The following SYNJ1 variants were observed in gnomAD, a reference collection of about 807,000 sequenced individuals.
SYNJ1 encodes synaptojanin 1.
Under a neutral mutation model 168.2 loss-of-function variants are expected in SYNJ1, and 78 were observed. The ratio of observed to expected loss-of-function variants is 0.46; its 90% CI spans 0.39 to 0.56. SYNJ1 has a LOEUF of 0.56. Among genes scored for constraint, SYNJ1 ranks in the 20% least tolerant of loss-of-function variants. The probability of loss-of-function intolerance (pLI) is 0.00; values close to 1 mark genes in which losing one functional copy is unlikely to be tolerated. For synonymous variants in SYNJ1, 539 were observed against 548.6 expected (o/e 0.98, Z 0.24); for missense variants, 1,303 against 1,597.6 (o/e 0.82, Z 3.14).
In SYNJ1 at chr21:32,669,763, G is replaced by A. The variant is rs550335195; in HGVS notation, c.1811+525C>T. On this transcript the variant is annotated intron_variant, in intron 15 of 32. Coordinates refer to ENST00000674351, the MANE Select transcript of SYNJ1 (RefSeq NM_203446.3). Reference sequence around the variant, plus strand: ...TATCAGAGAAGAAATTATCTAGAAAGGTTATTAAAATATTTCCTTTTCAAA... The same window carrying A: ...TATCAGAGAAGAAATTATCTAGAAAAGTTATTAAAATATTTCCTTTTCAAA... Among the ~76,000 whole-genome samples, 3 of 152,104 alleles carry A rather than the reference G, an allele frequency of 2.0e-5. No homozygotes were observed. The South Asian group carries it at 6.2e-4, about 32-fold the overall frequency.
Position 32,726,727 on chromosome 21 carries a change from T to C in SYNJ1, c.124+45A>G, listed in dbSNP as rs767641257. 3 of 1,604,768 alleles carry C rather than the reference T, an allele frequency of 1.9e-6. No homozygotes were observed. The East Asian group carries it at 6.7e-5, about 36-fold the overall frequency. On this transcript the variant is annotated intron_variant, in intron 2 of 32. Transcript: ENST00000674351. ...ATGGTTGCATCTGAATTGTTTCAAA[T>C]CAAAACAGAGACCATGACAAATTGG... is the stretch of plus-strand genomic sequence containing the variant.
chr21:32,727,040 G>T, intron 1 of SYNJ1, 123 bp from the exon 2 acceptor site: 1 of 1,328,856 alleles, frequency 7.5e-7, no homozygotes, highest in Non-Finnish European at 1.0e-6. Flanking sequence ...GGAAAAAACA[G>T]ACAGCTCTGG....
intron 22 of SYNJ1, among the ~76,000 whole-genome samples, chr21:32,651,147 A>C (rs2040256654): frequency 6.6e-6 from 1 of 152,218 alleles, no homozygotes; most frequent in Non-Finnish European, 1.5e-5. Flanking sequence ...CTCATTTAAA[A>C]CCCATATTCT....
At chr21:32,716,770 G>A (rs1433470079) in intron 2 of SYNJ1, among the ~76,000 whole-genome samples, 1 of 152,156 alleles carries the variant, frequency 6.6e-6, no homozygotes, top group Non-Finnish European at 1.5e-5. Context: ...ACATATTCAT[G>A]TATATTGGGT....
rs879835661 is a variant in SYNJ1, at chr21:32,650,263, A to G, written c.2958T>C (p.Ile986=). Residue 986 remains isoleucine, a synonymous_variant, in exon 23 of 33, where the codon ATT becomes ATC. Transcript: ENST00000674351. ...NLEEEMSLEK[I]SIALPSSTSS... is the part of the protein sequence containing the mutation. ...TTGTTGATGATGGCAATGCAATGCT[A>G]ATTTTCTCTAAACTCATTTCTTCTT... 6 of 1,613,940 alleles carry G rather than the reference A, an allele frequency of 3.7e-6. No homozygotes were observed. Among genetic ancestry groups the G allele is most frequent in the Non-Finnish European group, 5.1e-6 (6 of 1,179,982 alleles).
At chr21:32,648,094 A>G (rs989777446) in intron 23 of SYNJ1, among the ~76,000 whole-genome samples, 13 of 152,090 alleles carry the variant, frequency 8.5e-5, no homozygotes, top group Admixed American at 1.3e-4. Context: ...GGATGGAACA[A>G]ATGGGCCCCA....
At chr21:32,711,230 C>T (rs1394698153) in intron 2 of SYNJ1, among the ~76,000 whole-genome samples, 1 of 152,132 alleles carries the variant, frequency 6.6e-6, no homozygotes, top group Non-Finnish European at 1.5e-5. Flanking sequence ...AGAAAACACT[C>T]AGAGTATAAA....
intron 29 of SYNJ1, among the ~76,000 whole-genome samples, chr21:32,640,798 TGAAA>T (rs1264229291): frequency 1.3e-5 from 2 of 152,232 alleles, no homozygotes; most frequent in African/African-American, 4.8e-5. Context: ...TTAAATACAC[TGAAA>T]GACTCATCAG....
At chr21:32,635,586 CA>C (rs750758940) in intron 31 of SYNJ1, among the ~76,000 whole-genome samples, 8 of 152,098 alleles carry the variant, frequency 5.3e-5, no homozygotes, top group Non-Finnish European at 5.9e-5. Context: ...TCAACCCAAG[CA>C]GACTAAGACA....
intron 6 of SYNJ1, among the ~76,000 whole-genome samples, chr21:32,690,863 G>C (rs758953230): frequency 6.6e-6 from 1 of 152,140 alleles, no homozygotes; most frequent in Admixed American, 6.5e-5. Context: ...CGGAGGTTGC[G>C]GTGAGCCAAG....
intron 1 of SYNJ1, 58 bp downstream of exon 1, chr21:32,727,888 G>T: frequency 6.5e-7 from 1 of 1,526,772 alleles, no homozygotes; most frequent in Non-Finnish European, 8.7e-7. Context: ...GCGTCCGCCC[G>T]CCCGGCTGCC....
chr21:32,673,589 AT>A, intron 13 of SYNJ1, 58 bp from the exon 14 acceptor site: 1 of 1,445,062 alleles, frequency 6.9e-7, no homozygotes, highest in South Asian at 1.4e-5. Context: ...ATAAAAATTG[AT>A]TTTCATAACT....
At chr21:32,634,907 C>G (rs1569020562) in intron 31 of SYNJ1, 23 bp from the exon 32 acceptor site, 1 of 1,613,498 alleles carries the variant, frequency 6.2e-7, no homozygotes, top group Admixed American at 1.7e-5. Flanking sequence ...AAACAGACAT[C>G]AAAGGAAAGA....
intron 2 of SYNJ1, among the ~76,000 whole-genome samples, chr21:32,715,130 C>A (rs567862162): frequency 1.3e-5 from 2 of 152,254 alleles, no homozygotes; most frequent in African/African-American, 4.8e-5. Context: ...CACTAAGGTA[C>A]AACCAGCTAG....
rs112757518 is a variant in SYNJ1 at position 32,702,218 on chromosome 21, T to C, written c.125-171A>G. 7.2e-5 allele frequency among the ~76,000 whole-genome samples: 11 copies of C among 152,364 alleles called. 1 individual carries two copies. Among genetic ancestry groups the C allele is most frequent in the African/African-American group, 2.6e-4 (11 of 41,594 alleles). ...ATTAGTATTCTTCCCAAAGAGTTAA[T>C]AAATTATTCCAAGACCATCTATTAA... On this transcript the variant is annotated intron_variant, in intron 2 of 32. Transcript: ENST00000674351.
chr21:32,708,983 G>A (rs538534093), intron 2 of SYNJ1, among the ~76,000 whole-genome samples: 5 of 152,194 alleles, frequency 3.3e-5, no homozygotes, highest in African/African-American at 9.6e-5. Context: ...GGAACAATAT[G>A]TAACAGGTGA....
chr21:32,715,537 A>G (rs1350144194), intron 2 of SYNJ1, among the ~76,000 whole-genome samples: 2 of 152,192 alleles, frequency 1.3e-5, no homozygotes, highest in African/African-American at 4.8e-5. Flanking sequence ...GGTCCACAGG[A>G]TATTAAATGA....
At chr21:32,650,080 C>T (rs1376663309) in intron 23 of SYNJ1, 104 bp downstream of exon 23, 57 of 1,368,184 alleles carry the variant, frequency 4.2e-5, no homozygotes, top group Non-Finnish European at 4.8e-5. Flanking sequence ...GTGCTATGTA[C>T]GTCCCAAGAA....
chr21:32,656,798 G>A lies in SYNJ1; in HGVS notation c.2684C>T (p.Thr895Ile). Residue 895 changes from threonine (T) to isoleucine (I), a missense_variant, in exon 21 of 33, where the codon ACA (threonine) becomes ATA (isoleucine). This residue lies in a region of SYNJ1 where 920 missense variants were observed against 1,208.8 expected (regional missense o/e 0.76). Transcript: ENST00000674351. ...AGAACTTTTGATTGAGACCAATACT[G>A]TACCATCTGGTGGACCCTGAACTGC... ...VIAVQGPPDG[T>I]VLVSIKSSLP... The A allele has an allele frequency of 1.2e-6, 2 of 1,614,078 alleles. No individual in the cohort carries two copies. Among genetic ancestry groups the A allele is most frequent in the Non-Finnish European group, 1.7e-6 (2 of 1,180,008 alleles).
Sources: allele counts gnomAD v4.1 joint callset (sites outside exome capture counted in the v4.1 genomes callset), GRCh38; gene constraint gnomAD v4.1.1; regional missense constraint gnomAD v4.1.1; transcripts MANE v1.5; gene names NCBI Gene and HGNC (gene_info 2026-07-23, HGNC 2026-07-21).